Variants in POFUT4 observed in about 807,000 individuals in gnomAD.
POFUT4 encodes protein O-fucosyltransferase 4.
the POFUT4 span, chr10:73,773,589 C>T: frequency 1.2e-6 from 2 of 1,614,256 alleles, no homozygotes; most frequent in East Asian, 4.5e-5. Context: ...TAGTCTGAAG[C>T]ATCGGGAGTG....
At chr10:73,772,460 G>A in the POFUT4 span, 9 of 1,556,310 alleles carry the variant, frequency 5.8e-6, no homozygotes, top group Non-Finnish European at 5.2e-6. Flanking sequence ...GGAACCGTGG[G>A]ATGGCGCGGT....
the POFUT4 span, chr10:73,772,757 T>C: frequency 6.2e-7 from 1 of 1,606,208 alleles, no homozygotes; most frequent in Non-Finnish European, 8.5e-7. Flanking sequence ...GCACCAGAGC[T>C]GGGCGCTCCT....
chr10:73,772,630 G>C, the POFUT4 span: 11 of 1,557,858 alleles, frequency 7.1e-6, no homozygotes, highest in Non-Finnish European at 9.6e-6. Context: ...TCGAGTGTGC[G>C]CGCGGCGCGT....
At chr10:73,778,718 A>C in the POFUT4 span, 1 of 152,256 alleles carries the variant, frequency 6.6e-6, no homozygotes, top group Non-Finnish European at 1.5e-5. Flanking sequence ...AAAAGCTGTA[A>C]TTAGGCTGAA....
the POFUT4 span, chr10:73,773,240 G>A: frequency 1.2e-6 from 2 of 1,613,620 alleles, no homozygotes; most frequent in South Asian, 1.1e-5. Context: ...CTACCGCGCG[G>A]CTACAGGACA....
the POFUT4 span, among the ~76,000 whole-genome samples, chr10:73,778,186 C>A: frequency 6.6e-6 from 1 of 150,584 alleles, no homozygotes; most frequent in Non-Finnish European, 1.5e-5. Context: ...TGATGGAGCC[C>A]ACTCAAGGGG....
the POFUT4 span, chr10:73,773,865 T>TTAC: frequency 6.6e-7 from 1 of 1,507,094 alleles, no homozygotes; most frequent in African/African-American, 1.4e-5. Flanking sequence ...ACTTACTTGC[T>TTAC]TACTGTGGGC....
At chr10:73,775,091 A>C in the POFUT4 span, 1 of 276,528 alleles carries the variant, frequency 3.6e-6, no homozygotes, top group Non-Finnish European at 6.9e-6. Context: ...AAACATTAAG[A>C]AAATAAATAT....
chr10:73,772,962 C>A, the POFUT4 span: 1 of 1,605,112 alleles, frequency 6.2e-7, no homozygotes, highest in African/African-American at 1.3e-5. Context: ...GGCTACGCGC[C>A]GCTGCTCTAT....
At chr10:73,773,744 G>T in the POFUT4 span, 3 of 1,613,878 alleles carry the variant, frequency 1.9e-6, no homozygotes, top group Non-Finnish European at 2.5e-6. Flanking sequence ...ACATTGCCCA[G>T]CCCTCACACA....
the POFUT4 span, chr10:73,773,867 A>G: frequency 3.3e-6 from 5 of 1,507,190 alleles, no homozygotes; most frequent in South Asian, 4.0e-5. Context: ...TTACTTGCTT[A>G]CTGTGGGCAA....
the POFUT4 span, chr10:73,772,683 C>T: frequency 2.9e-5 from 46 of 1,561,396 alleles, no homozygotes; most frequent in Non-Finnish European, 3.9e-5. Flanking sequence ...GACTCGCGGA[C>T]GCGCGCGCTG....
At chr10:73,776,075 A>G in the POFUT4 span, 7 of 180,184 alleles carry the variant, frequency 3.9e-5, no homozygotes, top group Non-Finnish European at 5.9e-5. Flanking sequence ...CAGACTCCTC[A>G]TTATTCAGTA....
chr10:73,773,532 C>T, the POFUT4 span: 6 of 1,614,266 alleles, frequency 3.7e-6, no homozygotes, highest in East Asian at 4.5e-5. Flanking sequence ...TATGAAATAC[C>T]TGGCATACAA....
the POFUT4 span, among the ~76,000 whole-genome samples, chr10:73,777,862 C>T: frequency 1.5e-5 from 2 of 137,732 alleles, no homozygotes; most frequent in African/African-American, 2.7e-5. Flanking sequence ...GGTGCCCCCA[C>T]CTTTTTTTTT....
At chr10:73,773,924 T>A in the POFUT4 span, 1 of 1,238,196 alleles carries the variant, frequency 8.1e-7, no homozygotes, top group South Asian at 1.5e-5. Context: ...AATTATCACA[T>A]GGGCTCATTC....
chr10:73,772,564 A>G, the POFUT4 span: 3 of 1,586,462 alleles, frequency 1.9e-6, no homozygotes, highest in Admixed American at 3.5e-5. Flanking sequence ...ACTTGCCGGT[A>G]CTGCTGTGGT....
the POFUT4 span, chr10:73,773,300 C>T: frequency 6.2e-7 from 1 of 1,614,182 alleles, no homozygotes; most frequent in East Asian, 2.2e-5. Context: ...TCTTGTCCCG[C>T]TATAAGTTCC....
At chr10:73,773,560 C>T in the POFUT4 span, 1 of 1,614,252 alleles carries the variant, frequency 6.2e-7, no homozygotes, top group Non-Finnish European at 8.5e-7. Context: ...GGGGGCATCA[C>T]CAACCAATTT....
Sources: gnomAD v4.1 joint callset for allele counts (sites outside exome capture counted in the v4.1 genomes callset) on GRCh38, gnomAD v4.1.1 for gene constraint, MANE v1.5 for transcripts, NCBI Gene and HGNC (gene_info 2026-07-23, HGNC 2026-07-21) for gene names.